CFAP299: variants seen among roughly 807,000 people sequenced by gnomAD.
CFAP299 encodes the protein cilia and flagella associated protein 299.
In CFAP299, 21 loss-of-function variants were observed where a neutral mutation model predicts 27.0. The observed-to-expected ratio is 0.78, with a 90% CI of 0.55 to 1.12. CFAP299 has a LOEUF of 1.12. Ranked by LOEUF, CFAP299 falls within the 50% of genes most tolerant of loss-of-function variation. The probability of loss-of-function intolerance (pLI) is 0.00; values close to 1 mark genes in which losing one functional copy is unlikely to be tolerated. For synonymous variants in CFAP299, 104 were observed against 98.1 expected (o/e 1.06, Z -0.36); for missense variants, 310 against 276.6 (o/e 1.12, Z -0.86).
intron 1 of CFAP299, among the ~76,000 whole-genome samples, chr4:80,355,666 C>T (rs567220047): frequency 6.6e-6 from 1 of 151,918 alleles, no homozygotes; most frequent in Non-Finnish European, 1.5e-5. Context: ...TGTAAGTTTA[C>T]GTTCCTTATA....
intron 3 of CFAP299, among the ~76,000 whole-genome samples, chr4:80,604,665 A>C (rs1036221708): frequency 6.6e-6 from 1 of 152,194 alleles, no homozygotes; most frequent in Non-Finnish European, 1.5e-5. Flanking sequence ...GCAAACATGA[A>C]AAGGTTTACA....
At chr4:80,390,744 T>G (rs1030192138) in intron 2 of CFAP299, among the ~76,000 whole-genome samples, 2 of 106,226 alleles carry the variant, frequency 1.9e-5, no homozygotes, top group Non-Finnish European at 4.2e-5. Context: ...TGTATATATG[T>G]ATATATACAC....
intron 3 of CFAP299, among the ~76,000 whole-genome samples, chr4:80,644,188 T>A (rs1196598344): frequency 2.0e-5 from 3 of 152,204 alleles, no homozygotes; most frequent in Non-Finnish European, 2.9e-5. Flanking sequence ...CCCTGGTTTT[T>A]TAAAAACAAA....
intron 2 of CFAP299, among the ~76,000 whole-genome samples, chr4:80,447,052 G>A (rs1183934716): frequency 1.3e-5 from 2 of 150,122 alleles, no homozygotes; most frequent in Admixed American, 6.6e-5. Context: ...TTATAAGTAG[G>A]CACTTACCCT....
At chr4:80,956,406 T>G (rs1738071440) in intron 5 of CFAP299, among the ~76,000 whole-genome samples, 1 of 152,074 alleles carries the variant, frequency 6.6e-6, no homozygotes, top group Non-Finnish European at 1.5e-5. Context: ...AAATGAAAAT[T>G]TATTTTATAT....
At chr4:80,818,465 G>T (rs1729534849) in intron 3 of CFAP299, among the ~76,000 whole-genome samples, 1 of 151,818 alleles carries the variant, frequency 6.6e-6, no homozygotes, top group African/African-American at 2.4e-5. Flanking sequence ...CTCTTATATT[G>T]TATTTGGCTC....
At chr4:80,589,998 A>T (rs1736641115) in intron 3 of CFAP299, among the ~76,000 whole-genome samples, 2 of 152,178 alleles carry the variant, frequency 1.3e-5, no homozygotes, top group South Asian at 4.1e-4. Context: ...TTATCATGTA[A>T]TTGTAATTGT....
chr4:80,845,812 A>C (rs1386482924), intron 3 of CFAP299, among the ~76,000 whole-genome samples: 1 of 152,194 alleles, frequency 6.6e-6, no homozygotes, highest in Non-Finnish European at 1.5e-5. Context: ...AGAAATATCT[A>C]GTATATCAGA....
At chr4:80,323,933 T>C in the CFAP299 span, among the ~76,000 whole-genome samples, 1 of 152,250 alleles carries the variant, frequency 6.6e-6, no homozygotes, top group South Asian at 2.1e-4. Flanking sequence ...TGCTTCAAGG[T>C]GATTACTGGT....
intron 3 of CFAP299, chr4:80,639,594 G>T (rs1432169564): frequency 4.6e-5 from 7 of 152,456 alleles, no homozygotes; most frequent in African/African-American, 1.4e-4. Flanking sequence ...ACCTAGAGTA[G>T]TTAAATTCAT....
chr4:80,663,165 G>A (rs1172556808), intron 3 of CFAP299, among the ~76,000 whole-genome samples: 1 of 151,416 alleles, frequency 6.6e-6, no homozygotes, highest in Non-Finnish European at 1.5e-5. Flanking sequence ...TTTAAGTTCT[G>A]GGATACATGT....
intron 2 of CFAP299, among the ~76,000 whole-genome samples, chr4:80,371,210 G>A (rs2969285): frequency 6.6e-6 from 1 of 152,214 alleles, no homozygotes; most frequent in African/African-American, 2.4e-5. Context: ...TTGGGATGCA[G>A]GGACTGGTGT....
At chr4:80,763,621 G>A (rs1467104513) in intron 3 of CFAP299, among the ~76,000 whole-genome samples, 3 of 151,952 alleles carry the variant, frequency 2.0e-5, no homozygotes, top group Non-Finnish European at 4.4e-5. Context: ...ATTTTGTATG[G>A]AACCAAAAAA....
intron 3 of CFAP299, among the ~76,000 whole-genome samples, chr4:80,608,111 A>G (rs984362400): frequency 6.6e-6 from 1 of 152,140 alleles, no homozygotes; most frequent in African/African-American, 2.4e-5. Context: ...ATACACACAT[A>G]CTTATCTGTA....
chr4:80,559,774 T>A (rs1441692099), intron 2 of CFAP299, among the ~76,000 whole-genome samples: 1 of 152,122 alleles, frequency 6.6e-6, no homozygotes, highest in East Asian at 1.9e-4. Flanking sequence ...GGAAGGAGCA[T>A]TTAAACCAGC....
intron 2 of CFAP299, among the ~76,000 whole-genome samples, chr4:80,477,493 G>C (rs545840914): frequency 3.3e-5 from 5 of 152,210 alleles, no homozygotes; most frequent in Middle Eastern, 3.4e-3. Context: ...CTCAGGCTTT[G>C]GCCCTCCTTT....
intron 3 of CFAP299, among the ~76,000 whole-genome samples, chr4:80,657,875 C>T (rs1740642773): frequency 6.6e-6 from 1 of 152,054 alleles, no homozygotes. Context: ...AGAACGTTTT[C>T]CATTGGTTTG....
At chr4:80,401,253 A>G (rs761259336) in intron 2 of CFAP299, among the ~76,000 whole-genome samples, 2 of 152,214 alleles carry the variant, frequency 1.3e-5, no homozygotes, top group Admixed American at 6.5e-5. Flanking sequence ...AAGAAGCCTA[A>G]TGTTAATCCC....
At chr4:80,391,014 T>C (rs13134029) in intron 2 of CFAP299, among the ~76,000 whole-genome samples, 6 of 106,174 alleles carry the variant, frequency 5.7e-5, no homozygotes, top group African/African-American at 1.8e-4. Context: ...TGTACACACA[T>C]GTATATATGT....
Sources: allele counts gnomAD v4.1 joint callset (sites outside exome capture counted in the v4.1 genomes callset), GRCh38; gene constraint gnomAD v4.1.1; transcripts MANE v1.5; gene names NCBI Gene and HGNC (gene_info 2026-07-23, HGNC 2026-07-21).